SAMMSON: variants seen among roughly 807,000 people sequenced by gnomAD.
SAMMSON encodes survival associated mitochondrial melanoma specific oncogenic non-coding RNA.
intron 9 of SAMMSON, among the ~76,000 whole-genome samples, chr3:70,385,145 G>A (rs940420037): frequency 3.3e-5 from 5 of 152,038 alleles, no homozygotes; most frequent in African/African-American, 1.2e-4. Flanking sequence ...GAAAAAGCAC[G>A]GTGTTGTAGT....
At chr3:70,169,421 T>C (rs987470872) in intron 4 of SAMMSON, among the ~76,000 whole-genome samples, 10 of 151,968 alleles carry the variant, frequency 6.6e-5, no homozygotes, top group African/African-American at 2.4e-4. Context: ...TTTGTATTTC[T>C]TATTTGGTAT....
At chr3:70,041,596 A>G (rs752144435) in intron 3 of SAMMSON, among the ~76,000 whole-genome samples, 10 of 152,088 alleles carry the variant, frequency 6.6e-5, no homozygotes, top group Non-Finnish European at 1.2e-4. Flanking sequence ...GAATCTGTGG[A>G]TTCGAGCAAC....
intron 4 of SAMMSON, among the ~76,000 whole-genome samples, chr3:70,110,644 C>T (rs972471336): frequency 6.6e-6 from 1 of 152,124 alleles, no homozygotes; most frequent in African/African-American, 2.4e-5. Context: ...GGTCCAGCCA[C>T]AACTCGAATT....
At chr3:70,053,113 T>C (rs1277789267) in intron 3 of SAMMSON, among the ~76,000 whole-genome samples, 4 of 152,144 alleles carry the variant, frequency 2.6e-5, no homozygotes, top group Admixed American at 1.3e-4. Context: ...CCTTCACATA[T>C]GCTTATCATC....
intron 2 of SAMMSON, among the ~76,000 whole-genome samples, chr3:70,403,301 A>G (rs887783207): frequency 1.3e-5 from 2 of 152,134 alleles, no homozygotes; most frequent in Non-Finnish European, 2.9e-5. Context: ...GAGGAGACAA[A>G]ACAAACACCC....
intron 4 of SAMMSON, among the ~76,000 whole-genome samples, chr3:70,115,652 A>G (rs558716851): frequency 7.9e-5 from 12 of 152,290 alleles, no homozygotes; most frequent in Non-Finnish European, 1.5e-4. Context: ...GAGGGACATC[A>G]GTAGATGAAG....
At chr3:70,013,829 A>C (rs1259269498) in intron 3 of SAMMSON, 3 of 152,170 alleles carry the variant, frequency 2.0e-5, no homozygotes, top group Non-Finnish European at 2.9e-5. Context: ...TGAAGCAGAA[A>C]AGACATTACT....
intron 4 of SAMMSON, among the ~76,000 whole-genome samples, chr3:70,227,196 G>A (rs1484725121): frequency 6.6e-6 from 1 of 152,148 alleles, no homozygotes; most frequent in African/African-American, 2.4e-5. Context: ...CATGATGGAG[G>A]ATGAATTAGA....
intron 4 of SAMMSON, among the ~76,000 whole-genome samples, chr3:70,226,737 TAAAA>T (rs369777217): frequency 8.2e-6 from 1 of 121,420 alleles, no homozygotes; most frequent in African/African-American, 3.1e-5. Flanking sequence ...GACTCTGTCT[TAAAA>T]AAAAAAAAAA....
intron 7 of SAMMSON, among the ~76,000 whole-genome samples, chr3:70,340,494 A>G (rs1314192580): frequency 6.6e-6 from 1 of 152,078 alleles, no homozygotes; most frequent in East Asian, 1.9e-4. Flanking sequence ...TACTACCTTA[A>G]CTGATAAGAG....
At chr3:70,213,420 T>C (rs1253564487) in intron 4 of SAMMSON, among the ~76,000 whole-genome samples, 2 of 152,068 alleles carry the variant, frequency 1.3e-5, no homozygotes, top group Admixed American at 1.3e-4. Context: ...TTAAAATGAG[T>C]GTATATTTCA....
intron 6 of SAMMSON, among the ~76,000 whole-genome samples, chr3:70,289,040 G>C (rs1456074509): frequency 6.6e-6 from 1 of 151,990 alleles, no homozygotes; most frequent in African/African-American, 2.4e-5. Context: ...CTTTTAATTG[G>C]AGCATTTAGC....
At chr3:70,013,600 C>CAGTGA (rs1461062467) in exon 3 of SAMMSON, 4 of 152,268 alleles carry the variant, frequency 2.6e-5, no homozygotes, top group South Asian at 2.1e-4. Flanking sequence ...GGGTCCTCAG[C>CAGTGA]AGTGAGCGAG....
At chr3:70,019,896 C>T (rs1159711215) in intron 3 of SAMMSON, among the ~76,000 whole-genome samples, 3 of 152,164 alleles carry the variant, frequency 2.0e-5, no homozygotes, top group South Asian at 2.1e-4. Context: ...CTTTGTCACA[C>T]TTATTGGCAA....
At chr3:70,283,855 C>G (rs531827582) in intron 6 of SAMMSON, 32 of 151,304 alleles carry the variant, frequency 2.1e-4, no homozygotes, top group African/African-American at 7.3e-4. Context: ...ATGGTGAGTA[C>G]ATAATGTATT....
chr3:70,276,492 A>C (rs1236467939), intron 6 of SAMMSON, among the ~76,000 whole-genome samples: 1 of 152,184 alleles, frequency 6.6e-6, no homozygotes, highest in Non-Finnish European at 1.5e-5. Flanking sequence ...TGTCCAGTGA[A>C]TTATACGAAA....
At chr3:70,000,364 TGATAGA>T (rs2066901189) in intron 1 of SAMMSON, among the ~76,000 whole-genome samples, 1 of 152,198 alleles carries the variant, frequency 6.6e-6, no homozygotes. Context: ...GTTTCACTTG[TGATAGA>T]GATAAAGTTA....
At chr3:70,201,232 G>A (rs754505926) in intron 4 of SAMMSON, among the ~76,000 whole-genome samples, 21 of 151,770 alleles carry the variant, frequency 1.4e-4, no homozygotes, top group South Asian at 6.3e-4. Flanking sequence ...ATTGTGTGTC[G>A]TTCCCCTCTC....
chr3:70,018,862 G>A (rs1309390087), intron 3 of SAMMSON, among the ~76,000 whole-genome samples: 3 of 152,310 alleles, frequency 2.0e-5, no homozygotes, highest in South Asian at 2.1e-4. Flanking sequence ...TCAGGAGCAG[G>A]TTGTTCAGTT....
Sources: gnomAD v4.1 joint callset for allele counts (sites outside exome capture counted in the v4.1 genomes callset) on GRCh38, gnomAD v4.1.1 for gene constraint, MANE v1.5 for transcripts, NCBI Gene and HGNC (gene_info 2026-07-23, HGNC 2026-07-21) for gene names.